The following FHIT variants were observed in gnomAD, a reference collection of about 807,000 sequenced individuals.
The protein encoded by FHIT is bis(5'-adenosyl)-triphosphatase.
A neutral mutation model predicts 17.9 loss-of-function variants in FHIT; 19 were observed. That is an observed-to-expected ratio of 1.06 (90% CI 0.74 to 1.56). The LOEUF (loss-of-function observed/expected upper bound fraction) is 1.56, where lower values mean the gene tolerates loss of function less well. FHIT is among the 40% of genes most tolerant of loss of function. FHIT has a pLI of 0.00. For synonymous variants in FHIT, 81 were observed against 69.7 expected (o/e 1.16, Z -0.81); for missense variants, 248 against 189.2 (o/e 1.31, Z -1.82).
chr3:60,033,966 A>G (rs1470331077), intron 5 of FHIT, among the ~76,000 whole-genome samples: 1 of 152,230 alleles, frequency 6.6e-6, no homozygotes, highest in Non-Finnish European at 1.5e-5. Context: ...AGGCTCTGGG[A>G]AGATGAAAAT....
intron 4 of FHIT, among the ~76,000 whole-genome samples, chr3:60,559,854 A>G (rs1559539657): frequency 6.6e-6 from 1 of 152,154 alleles, no homozygotes; most frequent in Non-Finnish European, 1.5e-5. Context: ...GCTTCAGCTT[A>G]TTGCTAAGAT....
chr3:59,898,744 G>A lies in FHIT; in HGVS notation c.348+23602C>T, dbSNP rs182840810. Among the ~76,000 whole-genome samples, 242 of 152,080 alleles carry A rather than the reference G, an allele frequency of 1.6e-3. 1 individual carries two copies. Among genetic ancestry groups the A allele is most frequent in the Non-Finnish European group, 2.5e-3 (171 of 67,996 alleles). On this transcript the variant is annotated intron_variant, in intron 8 of 9. Coordinates refer to ENST00000492590, the MANE Select transcript of FHIT (RefSeq NM_002012.4). ...CTTACAACACCAGACAATGAATGAA[G>A]AGACAGAAATTTCAAGTTCAGACAT... is the stretch of plus-strand genomic sequence containing the variant.
chr3:60,483,700 T>C (rs536888591), intron 5 of FHIT, among the ~76,000 whole-genome samples: 14 of 152,262 alleles, frequency 9.2e-5, no homozygotes, highest in Non-Finnish European at 1.6e-4. Flanking sequence ...GAGCTACTTA[T>C]GAAAAACCCA....
intron 3 of FHIT, among the ~76,000 whole-genome samples, chr3:60,898,452 T>C (rs1021995215): frequency 2.6e-5 from 4 of 152,186 alleles, no homozygotes; most frequent in Admixed American, 6.5e-5. Flanking sequence ...CCACCAGCAG[T>C]GTATGGTGGG....
At chr3:59,974,971 G>A (rs747374343) in intron 7 of FHIT, among the ~76,000 whole-genome samples, 2 of 152,090 alleles carry the variant, frequency 1.3e-5, no homozygotes, top group East Asian at 3.9e-4. Flanking sequence ...GCCTTCTCTA[G>A]TCCCTGTTCT....
intron 5 of FHIT, among the ~76,000 whole-genome samples, chr3:60,509,309 C>T (rs2034855824): frequency 6.6e-6 from 1 of 152,146 alleles, no homozygotes; most frequent in African/African-American, 2.4e-5. Flanking sequence ...TTTCTGAGGC[C>T]TGTTTGTGCT....
chr3:60,196,997 C>T (rs1401494681), intron 5 of FHIT, among the ~76,000 whole-genome samples: 1 of 152,074 alleles, frequency 6.6e-6, no homozygotes, highest in Non-Finnish European at 1.5e-5. Context: ...GATTACTGCA[C>T]CCCAAATAGA....
chr3:60,937,729 A>C (rs1868222), intron 3 of FHIT, among the ~76,000 whole-genome samples: 100,387 of 151,574 alleles, frequency 0.66, 34,346 homozygotes, highest in East Asian at 0.93. Context: ...ATGCCCAGCT[A>C]ATTTTTGTAT....
At chr3:60,559,696 A>T (rs2856045) in intron 4 of FHIT, among the ~76,000 whole-genome samples, 1 of 151,996 alleles carries the variant, frequency 6.6e-6, no homozygotes, top group Non-Finnish European at 1.5e-5. Context: ...GATGGAAAGC[A>T]TATGTATCTC....
intron 5 of FHIT, among the ~76,000 whole-genome samples, chr3:60,089,424 G>C (rs1056289054): frequency 6.6e-6 from 1 of 152,126 alleles, no homozygotes; most frequent in Non-Finnish European, 1.5e-5. Context: ...ACAGCACAGA[G>C]TAGATGAAGC....
At chr3:60,182,905 T>C (rs1417691920) in intron 5 of FHIT, among the ~76,000 whole-genome samples, 1 of 140,984 alleles carries the variant, frequency 7.1e-6, no homozygotes, top group Non-Finnish European at 1.5e-5. Context: ...CAAAAAATAA[T>C]GGAGGGTTAA....
intron 5 of FHIT, among the ~76,000 whole-genome samples, chr3:60,366,602 G>C (rs1048209327): frequency 1.3e-5 from 2 of 152,144 alleles, no homozygotes; most frequent in African/African-American, 4.8e-5. Flanking sequence ...GAGTATGTTA[G>C]TGATGTTGGG....
In FHIT at chr3:60,768,862, C is replaced by T. The variant is rs567011716; in HGVS notation, c.-18+53057G>A. ...ATATACCAATCCTGAATCAAAGATA[C>T]AGAAAAATACCCTGACTGGACCCTC... On this transcript the variant is annotated intron_variant, in intron 4 of 9. Transcript: ENST00000492590. 2.0e-5 allele frequency among the ~76,000 whole-genome samples: 3 copies of T among 152,312 alleles called. No homozygotes were observed. In the East Asian group the frequency reaches 5.8e-4, roughly 29 times the overall value.
chr3:59,870,870 T>TGCGC (rs1553701993), intron 8 of FHIT, among the ~76,000 whole-genome samples: 3 of 79,756 alleles, frequency 3.8e-5, no homozygotes, highest in South Asian at 4.4e-4. Context: ...TGTGTGTGTG[T>TGCGC]GTGCGTGTGT....
rs1040118577 is a variant in FHIT at position 59,836,828 on chromosome 3, C to T, written c.349-84507G>A. 2.6e-5 allele frequency among the ~76,000 whole-genome samples: 4 copies of T among 152,130 alleles called. No individual in the cohort carries two copies. In the South Asian group the frequency reaches 6.2e-4, roughly 24 times the overall value. The stretch of plus-strand genomic sequence containing the variant: ...ATGCAGACACTGGGCTGGAGGGGCC[C>T]GAACAGTGATGCAAGTCTGAGTGAT... On this transcript the variant is annotated intron_variant, in intron 8 of 9. Transcript: ENST00000492590.
intron 5 of FHIT, among the ~76,000 whole-genome samples, chr3:60,124,702 G>A (rs1287540582): frequency 6.6e-6 from 1 of 152,100 alleles, no homozygotes; most frequent in African/African-American, 2.4e-5. Context: ...CCATCCTTAG[G>A]TTATACTCCT....
At chr3:61,164,965 T>G (rs1231640052) in intron 2 of FHIT, among the ~76,000 whole-genome samples, 1 of 152,206 alleles carries the variant, frequency 6.6e-6, no homozygotes, top group Non-Finnish European at 1.5e-5. Context: ...ACAAAGGACA[T>G]GCTTTTGTTC....
At chr3:60,542,840 A>G (rs1382709440) in intron 4 of FHIT, among the ~76,000 whole-genome samples, 1 of 152,130 alleles carries the variant, frequency 6.6e-6, no homozygotes, top group African/African-American at 2.4e-5. Flanking sequence ...TAAGTTTGCA[A>G]ATATATATAT....
chr3:60,824,027 C>T (rs868956949), intron 3 of FHIT, among the ~76,000 whole-genome samples: 1 of 152,146 alleles, frequency 6.6e-6, no homozygotes, highest in African/African-American at 2.4e-5. Flanking sequence ...CTGGAGGGTG[C>T]TAGACCTTAT....
Sources: gnomAD v4.1 joint callset for allele counts (sites outside exome capture counted in the v4.1 genomes callset) on GRCh38, gnomAD v4.1.1 for gene constraint, MANE v1.5 for transcripts, NCBI Gene and HGNC (gene_info 2026-07-23, HGNC 2026-07-21) for gene names.